OMA1: variants seen among roughly 807,000 people sequenced by gnomAD.
OMA1 encodes the protein metalloendopeptidase OMA1, mitochondrial.
OMA1 carries 38 observed loss-of-function variants against 30.9 expected under a neutral mutation model. The observed-to-expected ratio is 1.23, with a 90% CI of 0.95 to 1.61. The LOEUF is 1.61. Among genes scored for constraint, OMA1 ranks in the 40% most tolerant of loss-of-function variants. The pLI, the probability that OMA1 is intolerant of heterozygous loss-of-function variation, is 0.00. For synonymous variants in OMA1, 173 were observed against 121.9 expected (o/e 1.42, Z -2.76); for missense variants, 461 against 349.2 (o/e 1.32, Z -2.55).
At chr1:58,523,988 G>A (rs982528242) in intron 7 of OMA1, among the ~76,000 whole-genome samples, 3 of 152,198 alleles carry the variant, frequency 2.0e-5, no homozygotes, top group Admixed American at 6.5e-5. Flanking sequence ...TCCAGAAAAA[G>A]CGTTCTCATT....
chr1:58,481,139 T>G lies in OMA1; in HGVS notation c.1401A>C (p.Pro467=). The G allele has an allele frequency of 1.2e-6, 1 of 865,564 alleles. No individual in the cohort carries two copies. The highest frequency in any genetic ancestry group is 2.0e-6 in the Non-Finnish European group (1 of 498,280). 53.6% of individuals were successfully genotyped at this position (865,564 alleles called of 1,614,324 possible). ...LKIREMCNCP[P]LSNPDPRLLF... The stretch of plus-strand genomic sequence containing the variant: ...GTAATCGAGGGTCTGGATTAGACAG[T>G]GGTGGACAATTACACATCTCTCTAA... The change falls in exon 9 of 9, where the codon CCA becomes CCC. Residue 467 remains proline (P), a synonymous_variant. Coordinates refer to ENST00000371226, the MANE Select transcript of OMA1 (RefSeq NM_145243.5).
intron 7 of OMA1, among the ~76,000 whole-genome samples, chr1:58,508,632 C>T (rs1013517480): frequency 1.3e-5 from 2 of 152,124 alleles, no homozygotes; most frequent in Non-Finnish European, 2.9e-5. Context: ...ATCTAACATT[C>T]CAACTTTTCT....
At chr1:58,491,127 AG>A (rs1439193970) in intron 8 of OMA1, among the ~76,000 whole-genome samples, 1 of 152,096 alleles carries the variant, frequency 6.6e-6, no homozygotes. Flanking sequence ...CTTAAAGAAA[AG>A]AATTTTCAAC....
At position 58,538,815 on chromosome 1, in the gene OMA1, T is replaced by C. The variant is rs1460767944; in HGVS notation, c.480A>G (p.Leu160=). 2 of 813,388 alleles carry C rather than the reference T, an allele frequency of 2.5e-6. No homozygotes were observed. The highest frequency in any genetic ancestry group is 4.2e-6 in the Non-Finnish European group (2 of 478,322). 50.4% of individuals were successfully genotyped at this position (813,388 alleles called of 1,614,324 possible). A position where few individuals can be genotyped will look rare whatever the true frequency, so the allele number is the denominator to read the frequency against. The change falls in exon 2 of 9, where the codon TTA becomes TTG. Residue 160 remains leucine, a synonymous_variant. Transcript: ENST00000371226. ...TTTACCTGCCTACAATGATTGCAAA[T>C]AACTTCTGTACTGGTTTAAGAATCA... ...LLMILKPVQK[L]FAIIVGRGIR... is the part of the protein sequence containing the mutation.
intron 7 of OMA1, among the ~76,000 whole-genome samples, chr1:58,509,184 A>G (rs1646034985): frequency 6.6e-6 from 1 of 152,188 alleles, no homozygotes; most frequent in Non-Finnish European, 1.5e-5. Flanking sequence ...AATATGTACC[A>G]AAGGATGAAG....
intron 7 of OMA1, among the ~76,000 whole-genome samples, chr1:58,515,641 G>A (rs1646147426): frequency 6.6e-6 from 1 of 152,096 alleles, no homozygotes; most frequent in South Asian, 2.1e-4. Flanking sequence ...CTTACTTACT[G>A]ATTCTTTTCT....
Position 58,506,063 on chromosome 1 carries a change from A to G in OMA1, c.1362T>C (p.Pro454=). Residue 454 remains proline, a synonymous_variant, in exon 8 of 9, where the codon CCT becomes CCC. Coordinates refer to ENST00000371226, the MANE Select transcript of OMA1 (RefSeq NM_145243.5). The stretch of plus-strand genomic sequence containing the variant: ...GCCTTCTACGGTGTCAGCTCACCTG[A>G]GGTATAAGTCTATCCAAGTACTCAA... ...NRVEYLDRLI[P]QALKIREMCN... 2 of 866,966 alleles carry G rather than the reference A, an allele frequency of 2.3e-6. No homozygotes were observed. Among genetic ancestry groups the G allele is most frequent in the Non-Finnish European group, 2.0e-6 (1 of 497,862 alleles). 53.7% of individuals were successfully genotyped at this position (866,966 alleles called of 1,614,324 possible).
intron 5 of OMA1, among the ~76,000 whole-genome samples, chr1:58,531,236 T>C (rs931467154): frequency 6.6e-6 from 1 of 152,264 alleles, no homozygotes; most frequent in Middle Eastern, 3.4e-3. Context: ...ATGAAGCACT[T>C]AAAACAAGAA....
rs981429293 is a variant in OMA1, at chr1:58,537,084, C to T, written c.501-343G>A. On this transcript the variant is annotated intron_variant, in intron 2 of 8. Transcript: ENST00000371226. ...AAATTCTCTCTCTCTCTCTCTCTCT[C>T]TGTATATATATATATACCATCTCAT... Among the ~76,000 whole-genome samples, 9 of 151,344 alleles carry T rather than the reference C, an allele frequency of 5.9e-5. No individual in the cohort carries two copies. The East Asian group carries it at 1.7e-3, about 29-fold the overall frequency.
chr1:58,510,983 A>T (rs1646068061), intron 7 of OMA1, among the ~76,000 whole-genome samples: 1 of 152,198 alleles, frequency 6.6e-6, no homozygotes, highest in Non-Finnish European at 1.5e-5. Flanking sequence ...AGACAACTCA[A>T]ATAAATGGAA....
chr1:58,525,969 A>C (rs961464644), intron 7 of OMA1, among the ~76,000 whole-genome samples: 23 of 152,126 alleles, frequency 1.5e-4, no homozygotes, highest in African/African-American at 5.3e-4. Context: ...TTTTTTCCAT[A>C]AACAGTGCTG....
rs185533737 is a variant in OMA1, at chr1:58,490,312, C to T, written c.1366-9138G>A. ...TGACGAATGCACAAGCCTCAGTAGCCGATTCGATCAACTGGAAGAAAAGGT... is the reference window on the plus strand; with the variant it reads ...TGACGAATGCACAAGCCTCAGTAGCTGATTCGATCAACTGGAAGAAAAGGT... On this transcript the variant is annotated intron_variant, in intron 8 of 8. Coordinates refer to ENST00000371226, the MANE Select transcript of OMA1 (RefSeq NM_145243.5). Among the ~76,000 whole-genome samples the T allele has an allele frequency of 5.4e-3, 826 of 151,962 alleles. 6 individuals are homozygous for T. Among genetic ancestry groups the T allele is most frequent in the African/African-American group, 0.019 (791 of 41,418 alleles).
intron 7 of OMA1, among the ~76,000 whole-genome samples, chr1:58,521,738 A>G (rs544564098): frequency 3.3e-5 from 5 of 152,324 alleles, no homozygotes; most frequent in South Asian, 4.1e-4. Flanking sequence ...GAATAGTTCT[A>G]TATCTATTAA....
At chr1:58,491,791 C>T (rs1645697038) in intron 8 of OMA1, among the ~76,000 whole-genome samples, 1 of 152,202 alleles carries the variant, frequency 6.6e-6, no homozygotes, top group South Asian at 2.1e-4. Context: ...TACAAAGTGA[C>T]TTAGACTCCC....
At chr1:58,536,987 A>T (rs952399575) in intron 2 of OMA1, among the ~76,000 whole-genome samples, 2 of 152,168 alleles carry the variant, frequency 1.3e-5, no homozygotes, top group Non-Finnish European at 2.9e-5. Context: ...TATTTTAAGG[A>T]TAAACACTAA....
Position 58,538,649 on chromosome 1 carries a change from T to TG in OMA1, c.500+145dup, listed in dbSNP as rs1291770559. On this transcript the variant is annotated intron_variant, in intron 2 of 8. Transcript: ENST00000371226. ...TTTAGAAACTTCACTTTGAGCTAAA[T>TG]GGGGGGAGACAGGGGATCTGGCAAG... 2.5e-5 allele frequency: 12 copies of TG among 486,822 alleles called. No individual in the cohort carries two copies. The East Asian group carries it at 3.2e-4, about 13-fold the overall frequency. The allele number at this position is 486,822 out of a possible 1,614,324, so 30.2% of individuals were successfully genotyped here.
At chr1:58,485,637 T>G (rs747909617) in intron 8 of OMA1, among the ~76,000 whole-genome samples, 131 of 152,212 alleles carry the variant, frequency 8.6e-4, no homozygotes, top group Non-Finnish European at 1.7e-3. Context: ...TCATTTTATA[T>G]ATTTCAGGGC....
intron 5 of OMA1, among the ~76,000 whole-genome samples, chr1:58,531,049 T>C (rs1184283174): frequency 6.6e-6 from 1 of 152,202 alleles, no homozygotes; most frequent in East Asian, 1.9e-4. Context: ...TTATAGATAA[T>C]GAAACTGAGA....
intron 8 of OMA1, among the ~76,000 whole-genome samples, chr1:58,481,772 G>A (rs1645487895): frequency 6.6e-6 from 1 of 152,114 alleles, no homozygotes; most frequent in Non-Finnish European, 1.5e-5. Context: ...TAAGTCTCAC[G>A]AGATCTGATG....
Sources: allele counts gnomAD v4.1 joint callset (sites outside exome capture counted in the v4.1 genomes callset), GRCh38; gene constraint gnomAD v4.1.1; transcripts MANE v1.5; gene names NCBI Gene and HGNC (gene_info 2026-07-23, HGNC 2026-07-21).